The following COL17A1 variants were observed in gnomAD, a reference collection of about 807,000 sequenced individuals.
COL17A1 encodes collagen alpha-1(XVII) chain.
In COL17A1, 181 loss-of-function variants were observed where a neutral mutation model predicts 218.4. The ratio of observed to expected loss-of-function variants is 0.83; its 90% CI spans 0.73 to 0.94. The LOEUF (loss-of-function observed/expected upper bound fraction) is 0.94, where lower values mean the gene tolerates loss of function less well. Ranked by LOEUF, COL17A1 falls within the 40% of genes least tolerant of loss-of-function variation. COL17A1 has a pLI of 0.00. For synonymous variants in COL17A1, 721 were observed against 731.0 expected, an observed-to-expected ratio of 0.99 and a Z score of 0.22; for missense variants, 1,924 against 1,945.9, an observed-to-expected ratio of 0.99 and a Z score of 0.21.
At chr10:104,055,635 C>G (rs1346386890) in intron 18 of COL17A1, 147 bp downstream of exon 18, 1 of 1,255,586 alleles carries the variant, frequency 8.0e-7, no homozygotes, top group African/African-American at 1.5e-5. Context: ...TCCCACCTAC[C>G]TCTCAGCGCT....
intron 11 of COL17A1, among the ~76,000 whole-genome samples, chr10:104,062,708 T>C (rs1169881691): frequency 6.6e-6 from 1 of 152,192 alleles, no homozygotes; most frequent in Non-Finnish European, 1.5e-5. Context: ...GCTTAGGATA[T>C]GGACACAGAC....
chr10:104,045,430 G>A (rs76757061), intron 33 of COL17A1, among the ~76,000 whole-genome samples: 1,772 of 152,294 alleles, frequency 0.012, 32 homozygotes, highest in African/African-American at 0.041. Context: ...CACTAATGGG[G>A]GCATTTAGAG....
At chr10:104,051,598 G>A (rs368122459) in intron 24 of COL17A1, 82 bp from the exon 25 acceptor site, 6 of 1,554,194 alleles carry the variant, frequency 3.9e-6, no homozygotes, top group Admixed American at 1.8e-5. Flanking sequence ...GCAGGTGGGG[G>A]TTAGGGACGC....
At position 104,051,467 on chromosome 10, in the gene COL17A1, A is replaced by G; in HGVS notation, c.2038+14T>C. The G allele has an allele frequency of 6.2e-7, 1 of 1,614,088 alleles. No individual in the cohort carries two copies. Among genetic ancestry groups the G allele is most frequent in the Non-Finnish European group, 8.5e-7 (1 of 1,180,030 alleles). On this transcript the variant is annotated intron_variant, in intron 25 of 55. Coordinates refer to ENST00000648076, the MANE Select transcript of COL17A1 (RefSeq NM_000494.4). Reference sequence around the variant, plus strand: ...CTGGAAACAGAACCTATTTACAAGAAGCAGCAAACTGACCTGGAGGGCCCT... The same window carrying G: ...CTGGAAACAGAACCTATTTACAAGAGGCAGCAAACTGACCTGGAGGGCCCT...
chr10:104,055,271 C>T, intron 19 of COL17A1, 101 bp downstream of exon 19: 3 of 1,577,970 alleles, frequency 1.9e-6, no homozygotes, highest in Non-Finnish European at 2.6e-6. Flanking sequence ...AGCTCTTCAT[C>T]CTTCCATTTA....
Position 104,039,504 on chromosome 10 carries a change from C to T in COL17A1, c.2837G>A (p.Gly946Glu), listed in dbSNP as rs1336685064. 2 of 1,614,002 alleles carry T rather than the reference C, an allele frequency of 1.2e-6. No homozygotes were observed. Among genetic ancestry groups the T allele is most frequent in the South Asian group, 2.2e-5 (2 of 91,080 alleles). The change falls in exon 43 of 56, where the codon GGA becomes GAA. Residue 946 changes from glycine (G) to glutamate (E), a missense_variant. Coordinates refer to ENST00000648076, the MANE Select transcript of COL17A1 (RefSeq NM_000494.4). ...GCCTGGTGGTCCCTGAAGGTTGAGT[C>T]CGAAAGAACTGGACCCTGGAAGCCA... is the stretch of plus-strand genomic sequence containing the variant. ...GFSTSGSSSF[G>E]LNLQGPPGPP... is the part of the protein sequence containing the mutation.
chr10:104,048,401 T>A (rs990655316), intron 29 of COL17A1, among the ~76,000 whole-genome samples: 1 of 152,236 alleles, frequency 6.6e-6, no homozygotes, highest in African/African-American at 2.4e-5. Context: ...GTCAAGGTCC[T>A]CCATGTTCTT....
At position 104,040,354 on chromosome 10, in the gene COL17A1, G is replaced by T; in HGVS notation, c.2758C>A (p.Gln920Lys). ...TTCCCTGATACACTGTTCTCACCTTGGTCTCCCTTGGGACCTGGGGGGCCA... is the reference window on the plus strand; with the variant it reads ...TTCCCTGATACACTGTTCTCACCTTTGTCTCCCTTGGGACCTGGGGGGCCA... ...PPGPPGPKGD[Q>K]GPPGPRGHQG... Residue 920 changes from glutamine to lysine, a missense_variant, in exon 40 of 56, where the codon CAA (glutamine) becomes AAA (lysine). By Grantham distance (53) the Gln-to-Lys change is moderately conservative (BLOSUM62 1). Coordinates refer to ENST00000648076, the MANE Select transcript of COL17A1 (RefSeq NM_000494.4). The T allele has an allele frequency of 1.9e-6, 3 of 1,603,916 alleles. No homozygotes were observed. The highest frequency in any genetic ancestry group is 1.7e-6 in the Non-Finnish European group (2 of 1,170,676).
chr10:104,034,723 G>C lies in COL17A1; in HGVS notation c.3664C>G (p.Pro1222Ala). 6.2e-7 allele frequency: 1 copy of C among 1,612,228 alleles called. No homozygotes were observed. The highest frequency in any genetic ancestry group is 8.5e-7 in the Non-Finnish European group (1 of 1,179,502). The change falls in exon 51 of 56, where the codon CCC becomes GCC. Residue 1222 changes from proline (P) to alanine (A), a missense_variant. Transcript: ENST00000648076. ...FIPGPPGPPG[P>A]PGPRGPPGVS... is the part of the protein sequence containing the mutation. The stretch of plus-strand genomic sequence containing the variant: ...CCCGGGGGCCCTCGAGGCCCTGGGG[G>C]ACCAGGAGGTCCTGGAGGGCCTGGG...
chr10:104,033,233 C>G lies in COL17A1; in HGVS notation c.4294+5G>C, dbSNP rs774657506. On this transcript the variant is annotated splice_donor_5th_base_variant and intron_variant, in intron 53 of 55. Transcript: ENST00000648076. Reference sequence around the variant, plus strand: ...GGTGCTGGGAAAGCAGTTGGATGCCCTTACTTTGGAAGAAGTCCATGAGGT... The same window carrying G: ...GGTGCTGGGAAAGCAGTTGGATGCCGTTACTTTGGAAGAAGTCCATGAGGT... 3 of 1,581,826 alleles carry G rather than the reference C, an allele frequency of 1.9e-6. No homozygotes were observed. The highest frequency in any genetic ancestry group is 1.7e-4 in the Middle Eastern group (1 of 6,024).
intron 20 of COL17A1, among the ~76,000 whole-genome samples, 200 bp downstream of exon 20, chr10:104,054,781 C>T (rs866849286): frequency 9.9e-5 from 15 of 152,156 alleles, no homozygotes; most frequent in African/African-American, 1.9e-4. Flanking sequence ...TCGCCAATCC[C>T]GGTCAGCTGG....
chr10:104,085,171 C>G (rs1252887590), intron 1 of COL17A1, among the ~76,000 whole-genome samples: 1 of 152,128 alleles, frequency 6.6e-6, no homozygotes, highest in African/African-American at 2.4e-5. Flanking sequence ...TCCTACTTTT[C>G]TTTAGATTAG....
chr10:104,052,019 C>A, intron 24 of COL17A1, 136 bp downstream of exon 24: 1 of 1,191,124 alleles, frequency 8.4e-7, no homozygotes, highest in Non-Finnish European at 1.2e-6. Context: ...CTCTTTGGAC[C>A]CACCCACCAC....
chr10:104,040,471 G>T, intron 39 of COL17A1, 61 bp from the exon 40 acceptor site: 1 of 1,081,744 alleles, frequency 9.2e-7, no homozygotes, highest in Non-Finnish European at 1.4e-6. Context: ...GCAGCACTTT[G>T]CACAGCACCT....
At chr10:104,062,129 G>C (rs1208970696) in intron 12 of COL17A1, 129 bp downstream of exon 12, 7 of 1,380,494 alleles carry the variant, frequency 5.1e-6, no homozygotes, top group Non-Finnish European at 7.2e-6. Context: ...TTGATATCTT[G>C]AGTGTTGTGT....
chr10:104,073,299 T>G, intron 6 of COL17A1, 54 bp from the exon 7 acceptor site: 1 of 1,499,020 alleles, frequency 6.7e-7, no homozygotes, highest in Non-Finnish European at 9.3e-7. Context: ...GCATGCTAAA[T>G]ACTTTTGACA....
intron 31 of COL17A1, 136 bp downstream of exon 31, chr10:104,047,603 C>CAA (rs2134599053): frequency 1.3e-6 from 1 of 761,334 alleles, no homozygotes; most frequent in Non-Finnish European, 2.3e-6. Context: ...TGCACACACA[C>CAA]AACCATGCAC....
At position 104,052,213 on chromosome 10, in the gene COL17A1, A is replaced by C. The variant is rs142230930; in HGVS notation, c.1944T>G (p.Ala648=). 2 of 1,614,026 alleles carry C rather than the reference A, an allele frequency of 1.2e-6. No individual in the cohort carries two copies. The highest frequency in any genetic ancestry group is 1.7e-6 in the Non-Finnish European group (2 of 1,180,002). ...GGCCATGAGGACCTGGTTCACCAGC[A>C]GCCCCTGAGGAGAAATGGAGGGATG... is the stretch of plus-strand genomic sequence containing the variant. ...PGSGEKGERG[A]AGEPGPHGPP... Residue 648 remains alanine (A), a synonymous_variant, in exon 24 of 56, where the codon GCT becomes GCG. Transcript: ENST00000648076.
chr10:104,034,705 G>A lies in COL17A1; in HGVS notation c.3682C>T (p.Pro1228Ser). ...GPPGPPGPRGPPGVSGALATY... is the reference protein window; with the variant it reads ...GPPGPPGPRGSPGVSGALATY... ...GCCAGGGCTCCTGAGACACCCGGGG[G>A]CCCTCGAGGCCCTGGGGGACCAGGA... The change falls in exon 51 of 56, where the codon CCC becomes TCC. Residue 1228 changes from proline (P) to serine (S), a missense_variant. Transcript: ENST00000648076. 2 of 1,610,806 alleles carry A rather than the reference G, an allele frequency of 1.2e-6. No homozygotes were observed. Among genetic ancestry groups the A allele is most frequent in the Non-Finnish European group, 8.5e-7 (1 of 1,178,964 alleles).
Sources: allele counts gnomAD v4.1 joint callset (sites outside exome capture counted in the v4.1 genomes callset), GRCh38; gene constraint gnomAD v4.1.1; transcripts MANE v1.5; gene names NCBI Gene and HGNC (gene_info 2026-07-23, HGNC 2026-07-21).